Variants in SEPTIN10 observed in about 807,000 individuals in gnomAD.
The protein encoded by SEPTIN10 is septin-10.
A neutral mutation model predicts 54.8 loss-of-function variants in SEPTIN10; 66 were observed. The observed-to-expected ratio is 1.21, with a 90% CI of 0.99 to 1.48. The LOEUF (loss-of-function observed/expected upper bound fraction) is 1.48, where lower values mean the gene tolerates loss of function less well. Ranked by LOEUF, SEPTIN10 falls within the 40% of genes most tolerant of loss-of-function variation. The probability of loss-of-function intolerance (pLI) is 0.00; values close to 1 mark genes in which losing one functional copy is unlikely to be tolerated. For missense variants in SEPTIN10, 620 were observed against 545.6 expected (o/e 1.14, Z -1.36); for synonymous variants, 161 against 181.0 (o/e 0.89, Z 0.89).
intron 1 of SEPTIN10, among the ~76,000 whole-genome samples, chr2:109,596,207 C>T (rs1362637772): frequency 2.0e-5 from 3 of 152,102 alleles, no homozygotes; most frequent in African/African-American, 7.2e-5. Context: ...GAAAATCAAA[C>T]TTTAAAAATT....
chr2:109,561,549 C>T (rs916414405), intron 8 of SEPTIN10, among the ~76,000 whole-genome samples: 49 of 152,246 alleles, frequency 3.2e-4, no homozygotes, highest in Middle Eastern at 3.4e-3. Flanking sequence ...CTGCTGACTC[C>T]CAAATTACTA....
intron 1 of SEPTIN10, among the ~76,000 whole-genome samples, chr2:109,599,619 T>C (rs1194652224): frequency 1.3e-5 from 2 of 152,056 alleles, no homozygotes; most frequent in African/African-American, 4.8e-5. Flanking sequence ...AAATAGCACC[T>C]CCATTATACC....
intron 1 of SEPTIN10, among the ~76,000 whole-genome samples, chr2:109,603,240 ATTAT>A (rs1227437079): frequency 6.6e-6 from 1 of 151,838 alleles, no homozygotes; most frequent in Non-Finnish European, 1.5e-5. Context: ...TATTAATATT[ATTAT>A]TTTTTTTTTT....
chr2:109,553,376 C>T (rs894861803), intron 8 of SEPTIN10, among the ~76,000 whole-genome samples, 157 bp from the exon 9 acceptor site: 6 of 151,714 alleles, frequency 4.0e-5, no homozygotes, highest in Admixed American at 1.3e-4. Flanking sequence ...GAAACCCTGT[C>T]TCTACAAAAA....
chr2:109,574,821 T>C, intron 4 of SEPTIN10, 54 bp from the exon 5 acceptor site: 2 of 1,278,506 alleles, frequency 1.6e-6, no homozygotes, highest in Non-Finnish European at 2.1e-6. Context: ...CCTTAAGATA[T>C]CTGTGCAACT....
At chr2:109,572,897 G>A (rs1486812576) in intron 5 of SEPTIN10, among the ~76,000 whole-genome samples, 1 of 152,150 alleles carries the variant, frequency 6.6e-6, no homozygotes, top group Non-Finnish European at 1.5e-5. Context: ...TTACAGGCAT[G>A]AGCAACCATG....
intron 5 of SEPTIN10, among the ~76,000 whole-genome samples, chr2:109,571,346 G>A (rs139815132): frequency 3.1e-4 from 47 of 152,254 alleles, no homozygotes; most frequent in African/African-American, 9.9e-4. Context: ...TTGATGTTGC[G>A]TGAACATCAC....
chr2:109,602,716 G>T (rs1696909579), intron 1 of SEPTIN10, among the ~76,000 whole-genome samples: 1 of 149,806 alleles, frequency 6.7e-6, no homozygotes, highest in African/African-American at 2.5e-5. Context: ...TAGATGGCTC[G>T]AATTCCTTCA....
intron 8 of SEPTIN10, among the ~76,000 whole-genome samples, chr2:109,557,170 TAAAA>T (rs564867948): frequency 6.6e-6 from 1 of 151,300 alleles, no homozygotes; most frequent in African/African-American, 2.4e-5. Context: ...TAAAGTATAA[TAAAA>T]AAAAATTTAA....
At chr2:109,564,644 C>T (rs1327519294) in intron 7 of SEPTIN10, 110 bp from the exon 8 acceptor site, 1 of 959,758 alleles carries the variant, frequency 1.0e-6, no homozygotes, top group Non-Finnish European at 1.4e-6. Context: ...CAACAAATAG[C>T]AAATGATCAG....
At chr2:109,592,715 G>A (rs1487531368) in intron 2 of SEPTIN10, among the ~76,000 whole-genome samples, 1 of 151,388 alleles carries the variant, frequency 6.6e-6, no homozygotes, top group East Asian at 1.9e-4. Flanking sequence ...GGGAGGCAGA[G>A]GTTGCAGTGA....
At chr2:109,547,819 T>C (rs1236597350) in intron 9 of SEPTIN10, among the ~76,000 whole-genome samples, 2 of 152,178 alleles carry the variant, frequency 1.3e-5, no homozygotes, top group African/African-American at 4.8e-5. Context: ...ACTCGATAAA[T>C]ATTAGCCATT....
At chr2:109,587,670 T>C (rs1372230246) in intron 2 of SEPTIN10, among the ~76,000 whole-genome samples, 2 of 152,040 alleles carry the variant, frequency 1.3e-5, no homozygotes, top group Admixed American at 6.5e-5. Flanking sequence ...TCCCAGCACT[T>C]TGGGAGGCCG....
At chr2:109,546,444 T>A (rs1156383871) in intron 9 of SEPTIN10, among the ~76,000 whole-genome samples, 1 of 152,150 alleles carries the variant, frequency 6.6e-6, no homozygotes, top group African/African-American at 2.4e-5. Flanking sequence ...TGAGTTCCCA[T>A]GCAAAAATCA....
At chr2:109,561,278 C>T (rs1685596707) in intron 8 of SEPTIN10, among the ~76,000 whole-genome samples, 1 of 152,132 alleles carries the variant, frequency 6.6e-6, no homozygotes, top group Non-Finnish European at 1.5e-5. Context: ...CAAGTTACTA[C>T]AGCTCAAAAT....
intron 5 of SEPTIN10, among the ~76,000 whole-genome samples, chr2:109,568,927 T>C (rs1256971199): frequency 2.0e-5 from 3 of 152,228 alleles, no homozygotes; most frequent in Non-Finnish European, 4.4e-5. Flanking sequence ...GTCCTATCAC[T>C]GACAGAGGGC....
chr2:109,571,871 A>G lies in SEPTIN10; in HGVS notation c.600+2710T>C, dbSNP rs144721324. ...TCCTGAAAATCCACTAAGGGACTAC[A>G]TCAATATAAATTGCTCCTGGCTAAC... On this transcript the variant is annotated intron_variant, in intron 5 of 10. Coordinates refer to ENST00000397712, the MANE Select transcript of SEPTIN10 (RefSeq NM_144710.5). Among the ~76,000 whole-genome samples, 15 of 152,306 alleles carry G rather than the reference A, an allele frequency of 9.8e-5. No homozygotes were observed. The East Asian group carries it at 2.9e-3, about 29-fold the overall frequency.
intron 2 of SEPTIN10, among the ~76,000 whole-genome samples, chr2:109,590,074 A>ATG (rs1693628265): frequency 6.8e-6 from 1 of 147,246 alleles, no homozygotes; most frequent in Non-Finnish European, 1.5e-5. Context: ...ATACACACAC[A>ATG]TATATATGTA....
chr2:109,574,683 G>A lies in SEPTIN10; in HGVS notation c.498C>T (p.Thr166=). 2 of 1,610,064 alleles carry A rather than the reference G, an allele frequency of 1.2e-6. No individual in the cohort carries two copies. The highest frequency in any genetic ancestry group is 1.7e-6 in the Non-Finnish European group (2 of 1,178,126). Residue 166 remains threonine (T), a synonymous_variant, in exon 5 of 11, where the codon ACC becomes ACT. Transcript: ENST00000397712. ...ACACATGGATGCGAGAATCATGGTA[G>A]GTAAAGAGAGAACGCTTAATCTTCA... The part of the protein sequence containing the change: ...EELKIKRSLF[T]YHDSRIHVCL...
Sources: allele counts gnomAD v4.1 joint callset (sites outside exome capture counted in the v4.1 genomes callset), GRCh38; gene constraint gnomAD v4.1.1; transcripts MANE v1.5; gene names NCBI Gene and HGNC (gene_info 2026-07-23, HGNC 2026-07-21).